KAZN: variants seen among roughly 807,000 people sequenced by gnomAD.
KAZN encodes kazrin.
KAZN carries 40 observed loss-of-function variants against 87.4 expected under a neutral mutation model. The observed-to-expected ratio is 0.46, with a 90% CI of 0.36 to 0.60. The LOEUF (loss-of-function observed/expected upper bound fraction) is 0.60, where lower values mean the gene tolerates loss of function less well. Among genes scored for constraint, KAZN ranks in the 20% least tolerant of loss-of-function variants. The pLI is 0.00. For missense variants in KAZN, 898 were observed against 1,073.9 expected (o/e 0.84, Z 2.29); for synonymous variants, 466 against 458.3 (o/e 1.02, Z -0.22).
chr1:15,060,394 C>T lies in KAZN; in HGVS notation c.1047+92C>T, dbSNP rs899079147. 4.6e-6 allele frequency: 7 copies of T among 1,527,882 alleles called. No homozygotes were observed. The South Asian group carries it at 8.0e-5, about 17-fold the overall frequency. The allele number at this position is 1,527,882 out of a possible 1,614,324, so 94.6% of individuals were successfully genotyped here. On this transcript the variant is annotated intron_variant, in intron 6 of 14. Coordinates refer to ENST00000376030, the MANE Select transcript of KAZN (RefSeq NM_201628.3). The stretch of plus-strand genomic sequence containing the variant: ...CGGGGTGAAGCCATACTCGCTGTTT[C>T]CTCTCGTCCACCCAGGGAGCACTCT...
chr1:14,417,011 T>TACACACACACACACACACACACACAC (rs58667891), intron 2 of KAZN, among the ~76,000 whole-genome samples: 1 of 145,518 alleles, frequency 6.9e-6, no homozygotes, highest in Non-Finnish European at 1.5e-5. Flanking sequence ...TATATATATG[T>TACACACACACACACACACACACACAC]ACACACACAC....
chr1:14,642,841 TAAAA>T (rs1004392589), intron 1 of KAZN, among the ~76,000 whole-genome samples: 2 of 151,948 alleles, frequency 1.3e-5, no homozygotes, highest in Non-Finnish European at 2.9e-5. Context: ...TATAAGGGTT[TAAAA>T]AAAATGGCCT....
chr1:14,550,663 C>CA (rs1165606635), intron 2 of KAZN, among the ~76,000 whole-genome samples: 19 of 150,512 alleles, frequency 1.3e-4, no homozygotes, highest in Non-Finnish European at 2.4e-4. Context: ...TAGCAGCAGA[C>CA]AAAACCTAAA....
chr1:13,910,522 G>A (rs905361048), intron 1 of KAZN, among the ~76,000 whole-genome samples: 1 of 150,304 alleles, frequency 6.7e-6, no homozygotes, highest in African/African-American at 2.4e-5. Context: ...AAAAAAGTGT[G>A]TGTGACACCT....
intron 2 of KAZN, among the ~76,000 whole-genome samples, chr1:14,568,328 AGAG>A (rs1674661053): frequency 6.6e-6 from 1 of 152,200 alleles, no homozygotes; most frequent in Non-Finnish European, 1.5e-5. Flanking sequence ...CCCCCGCTTC[AGAG>A]GAGAACATAG....
intron 1 of KAZN, among the ~76,000 whole-genome samples, chr1:14,105,226 A>T (rs1422484539): frequency 6.6e-6 from 1 of 152,206 alleles, no homozygotes; most frequent in African/African-American, 2.4e-5. Flanking sequence ...CAAGAGAAGC[A>T]CTTCAAAAGA....
intron 2 of KAZN, among the ~76,000 whole-genome samples, chr1:14,571,844 G>T (rs916669737): frequency 5.3e-5 from 8 of 152,182 alleles, no homozygotes; most frequent in Non-Finnish European, 8.8e-5. Flanking sequence ...GGAAGGAGAG[G>T]CAGGGCTTGC....
chr1:13,902,096 GCT>G (rs1639272911), intron 1 of KAZN, among the ~76,000 whole-genome samples: 1 of 152,234 alleles, frequency 6.6e-6, no homozygotes, highest in South Asian at 2.1e-4. Context: ...CACAGAGCTG[GCT>G]CTCTGCCCTT....
intron 1 of KAZN, among the ~76,000 whole-genome samples, chr1:14,922,064 C>A (rs1044416681): frequency 1.3e-5 from 2 of 152,202 alleles, no homozygotes; most frequent in African/African-American, 4.8e-5. Flanking sequence ...ATGTCTCTAT[C>A]AAAAGTATAA....
rs1312645754 is a variant in KAZN at position 13,932,258 on chromosome 1, A to ATATTT, written c.91+38503_91+38504insATTTT. 3.7e-4 allele frequency among the ~76,000 whole-genome samples: 16 copies of ATATTT among 43,126 alleles called. 1 individual carries two copies. Among genetic ancestry groups the ATATTT allele is most frequent in the African/African-American group, 1.0e-3 (13 of 12,434 alleles). The allele number at this position is 43,126 out of a possible 152,430, so 28.3% of individuals were successfully genotyped here. A position where few individuals can be genotyped will look rare whatever the true frequency, so the allele number is the denominator to read the frequency against. ...GGGTACAGTTCTCAGCTTATTAAAC[A>ATATTT]TTTTTTTTTTTTTTTTTTTTGAGAC... On this transcript the variant is annotated intron_variant, in intron 1 of 16. Transcript: ENST00000636203.
intron 1 of KAZN, among the ~76,000 whole-genome samples, chr1:14,721,292 A>C (rs535224972): frequency 3.9e-5 from 6 of 152,258 alleles, no homozygotes; most frequent in Middle Eastern, 3.4e-3. Context: ...TGGTGGTTTT[A>C]TCAGAGGCTT....
At chr1:14,013,444 A>G (rs1640415033) in intron 1 of KAZN, among the ~76,000 whole-genome samples, 1 of 152,044 alleles carries the variant, frequency 6.6e-6, no homozygotes, top group South Asian at 2.1e-4. Context: ...CCCCAAAATG[A>G]CAACCCCCCA....
chr1:14,433,299 A>C (rs1305196226), intron 2 of KAZN, among the ~76,000 whole-genome samples: 1 of 152,112 alleles, frequency 6.6e-6, no homozygotes, highest in East Asian at 1.9e-4. Context: ...ACCACCATAG[A>C]TTAGTTTTGC....
At chr1:14,250,105 C>A (rs1469188073) in intron 2 of KAZN, among the ~76,000 whole-genome samples, 1 of 152,100 alleles carries the variant, frequency 6.6e-6, no homozygotes, top group Admixed American at 6.6e-5. Context: ...TTCTCTTTTG[C>A]TGTTAATAAA....
intron 1 of KAZN, among the ~76,000 whole-genome samples, chr1:14,921,295 G>A (rs559438127): frequency 1.2e-3 from 190 of 152,260 alleles, no homozygotes; most frequent in Non-Finnish European, 2.3e-3. Flanking sequence ...TAACTAGGAC[G>A]TATGTGCGCT....
intron 2 of KAZN, among the ~76,000 whole-genome samples, chr1:14,236,449 A>G (rs1571101372): frequency 1.3e-5 from 2 of 152,108 alleles, no homozygotes; most frequent in African/African-American, 4.8e-5. Context: ...TCTTCCTTTC[A>G]TGGGACCACA....
chr1:13,977,338 C>T (rs1638414783), intron 1 of KAZN, among the ~76,000 whole-genome samples: 1 of 152,198 alleles, frequency 6.6e-6, no homozygotes, highest in Non-Finnish European at 1.5e-5. Flanking sequence ...CTCAGTTTCT[C>T]ATATGTAAAA....
At chr1:14,426,872 T>G (rs1665760389) in intron 2 of KAZN, among the ~76,000 whole-genome samples, 1 of 152,232 alleles carries the variant, frequency 6.6e-6, no homozygotes. Context: ...TGAGCCCTCC[T>G]GTCCCTTTGT....
chr1:14,913,707 G>A (rs568805117), intron 1 of KAZN, among the ~76,000 whole-genome samples: 1 of 152,376 alleles, frequency 6.6e-6, no homozygotes, highest in African/African-American at 2.4e-5. Context: ...CCCCTAACCT[G>A]CCTGTGCAGG....
Sources: gnomAD v4.1 joint callset for allele counts (sites outside exome capture counted in the v4.1 genomes callset) on GRCh38, gnomAD v4.1.1 for gene constraint, MANE v1.5 for transcripts, NCBI Gene and HGNC (gene_info 2026-07-23, HGNC 2026-07-21) for gene names.